The following DCLRE1A variants were observed in gnomAD, a reference collection of about 807,000 sequenced individuals.
The protein encoded by DCLRE1A is DNA cross-link repair 1A protein.
A neutral mutation model predicts 91.9 loss-of-function variants in DCLRE1A; 64 were observed. The observed-to-expected ratio is 0.70, with a 90% CI of 0.57 to 0.86. The LOEUF is 0.86. Ranked by LOEUF, DCLRE1A falls within the 40% of genes least tolerant of loss-of-function variation. DCLRE1A has a pLI of 0.00. For missense variants in DCLRE1A, 1,145 were observed against 1,213.3 expected (o/e 0.94, Z 0.84); for synonymous variants, 416 against 431.1 (o/e 0.96, Z 0.43).
intron 7 of DCLRE1A, among the ~76,000 whole-genome samples, chr10:113,838,820 G>A (rs776480762): frequency 1.3e-5 from 2 of 152,196 alleles, no homozygotes; most frequent in Non-Finnish European, 2.9e-5. Context: ...GCACATACGT[G>A]AACTTGGGAT....
At chr10:113,846,935 GTGAA>G (rs1845547792) in intron 3 of DCLRE1A, among the ~76,000 whole-genome samples, 1 of 152,178 alleles carries the variant, frequency 6.6e-6, no homozygotes, top group African/African-American at 2.4e-5. Flanking sequence ...TAGGCTTTCA[GTGAA>G]TGTTAACTAA....
In DCLRE1A at chr10:113,852,986, G is replaced by A. The variant is rs1845683562; in HGVS notation, c.197C>T (p.Pro66Leu). The change falls in exon 1 of 9, where the codon CCC (proline) becomes CTC (leucine). Residue 66 changes from proline (P) to leucine (L), a missense_variant. Transcript: ENST00000361384. ...AGTCTGACAACCTGCATTTCCAAGG[G>A]GCACTTCATGGTCCTTCACCTCTTT... Reference protein sequence around the residue: ...EAKEVKDHEVPLGNAGCQTSV... With the variant: ...EAKEVKDHEVLLGNAGCQTSV... The A allele has an allele frequency of 6.2e-7, 1 of 1,614,070 alleles. No individual in the cohort carries two copies. The highest frequency in any genetic ancestry group is 8.5e-7 in the Non-Finnish European group (1 of 1,180,032).
intron 7 of DCLRE1A, among the ~76,000 whole-genome samples, chr10:113,838,932 G>T (rs997507759): frequency 5.9e-5 from 9 of 152,006 alleles, no homozygotes; most frequent in Non-Finnish European, 1.0e-4. Flanking sequence ...TTCACAGAAA[G>T]TAATTATCTC....
chr10:113,852,899 T>G lies in DCLRE1A; in HGVS notation c.284A>C (p.Glu95Ala). 6.2e-7 allele frequency: 1 copy of G among 1,614,170 alleles called. No homozygotes were observed. Among genetic ancestry groups the G allele is most frequent in the African/African-American group, 1.3e-5 (1 of 75,044 alleles). ...TCTACAGAGTTTTCCTGGAGTAGTT[T>G]CCTTGTCTTGGGTCTGCTGAATACC... ...GDGIQQTQDK[E>A]TTPGKLCRTQ... The change falls in exon 1 of 9, where the codon GAA becomes GCA. Residue 95 changes from glutamate to alanine, a missense_variant. Transcript: ENST00000361384.
rs1274537943 is a variant in DCLRE1A, at chr10:113,849,284, T to TA, written c.1820dup (p.Leu607PhefsTer3). The TA allele has an allele frequency of 6.2e-7, 1 of 1,614,170 alleles. No individual in the cohort carries two copies. Among genetic ancestry groups the TA allele is most frequent in the South Asian group, 1.1e-5 (1 of 91,084 alleles). ...TACTTGCATCAAATTCTAAATCACT[T>TA]AAAGATTTTTCTGCTTTCCTCTTGC... is the stretch of plus-strand genomic sequence containing the variant. On this transcript the variant is annotated frameshift_variant, in exon 2 of 9. Coordinates refer to ENST00000361384, the MANE Select transcript of DCLRE1A (RefSeq NM_014881.5). LOFTEE classifies it high-confidence loss of function.
chr10:113,853,334 G>A lies in DCLRE1A; in HGVS notation c.-152C>T. 1.4e-6 allele frequency: 1 copy of A among 690,980 alleles called. No homozygotes were observed. The highest frequency in any genetic ancestry group is 2.3e-6 in the Non-Finnish European group (1 of 434,906). 42.8% of individuals were successfully genotyped at this position (690,980 alleles called of 1,614,324 possible). A position where few individuals can be genotyped will look rare whatever the true frequency, so the allele number is the denominator to read the frequency against. ...CAACTCAATGGGAATCTGCAGTGTTGGTAATGAACATATTGGCAAGCTACA... is the reference window on the plus strand; with the variant it reads ...CAACTCAATGGGAATCTGCAGTGTTAGTAATGAACATATTGGCAAGCTACA... On this transcript the variant is annotated 5_prime_UTR_variant, in exon 1 of 9. Coordinates refer to ENST00000361384, the MANE Select transcript of DCLRE1A (RefSeq NM_014881.5).
In DCLRE1A at chr10:113,839,317, C is replaced by T. The variant is rs573805797; in HGVS notation, c.2820+2089G>A. On this transcript the variant is annotated intron_variant, in intron 7 of 8. Transcript: ENST00000361384. ...TCCAGCCTGGTGGACAGAGCGAGAC[C>T]CTGTCTCAAAAAAAAAAAAAAAAAA... 2.1e-4 allele frequency among the ~76,000 whole-genome samples: 27 copies of T among 126,620 alleles called. 2 individuals carry two copies. The East Asian group carries it at 5.4e-3, about 26-fold the overall frequency. 83.1% of individuals were successfully genotyped at this position (126,620 alleles called of 152,430 possible).
chr10:113,844,929 T>A, intron 4 of DCLRE1A, among the ~76,000 whole-genome samples: 1 of 139,366 alleles, frequency 7.2e-6, no homozygotes. Context: ...AAAGCGAAAC[T>A]CTGTCTCAAA....
rs752905739 is a variant in DCLRE1A, at chr10:113,847,187, A to G, written c.2259+15T>C. The stretch of plus-strand genomic sequence containing the variant: ...AGCATTCTACAAAGTCAAAAGTTAG[A>G]ATACTAAAACTTACCTCACTACAAT... On this transcript the variant is annotated intron_variant, in intron 3 of 8. Coordinates refer to ENST00000361384, the MANE Select transcript of DCLRE1A (RefSeq NM_014881.5). 4 of 1,578,940 alleles carry G rather than the reference A, an allele frequency of 2.5e-6. No homozygotes were observed. The highest frequency in any genetic ancestry group is 2.7e-5 in the African/African-American group (2 of 74,512).
At chr10:113,848,061 C>G (rs896514851) in intron 2 of DCLRE1A, among the ~76,000 whole-genome samples, 2 of 152,122 alleles carry the variant, frequency 1.3e-5, no homozygotes, top group African/African-American at 4.8e-5. Context: ...CGCCCGTAAT[C>G]CCAGCACTTT....
chr10:113,852,353 A>G (rs906394517), intron 1 of DCLRE1A, among the ~76,000 whole-genome samples: 7 of 152,190 alleles, frequency 4.6e-5, no homozygotes, highest in African/African-American at 7.2e-5. Flanking sequence ...TAAATAACCA[A>G]TTGGACAAGT....
rs1377797983 is a variant in DCLRE1A at position 113,835,136 on chromosome 10, A to C, written c.*16T>G. 6.2e-7 allele frequency: 1 copy of C among 1,609,144 alleles called. No individual in the cohort carries two copies. The highest frequency in any genetic ancestry group is 8.5e-7 in the Non-Finnish European group (1 of 1,178,018). On this transcript the variant is annotated 3_prime_UTR_variant, in exon 9 of 9. Coordinates refer to ENST00000361384, the MANE Select transcript of DCLRE1A (RefSeq NM_014881.5). ...ATCCAAGGAACTTAACTACTACTGA[A>C]TCCTCGGAGGTATCATCAATATCCA...
intron 3 of DCLRE1A, among the ~76,000 whole-genome samples, 156 bp from the exon 4 acceptor site, chr10:113,845,959 G>A (rs947472376): frequency 6.6e-6 from 1 of 152,154 alleles, no homozygotes; most frequent in Non-Finnish European, 1.5e-5. Flanking sequence ...TATAATGGCT[G>A]TGCCACTACT....
In DCLRE1A at chr10:113,853,053, G is replaced by C; in HGVS notation, c.130C>G (p.Gln44Glu). ...TTTCTGTTTCTACTCCGTTTTGACT[G>C]GTATTTTCCATCTGTTGCTTTTTCA... Reference protein sequence around the residue: ...SVEKATDGKYQSKRSRNRKRA... With the variant: ...SVEKATDGKYESKRSRNRKRA... The change falls in exon 1 of 9, where the codon CAG (glutamine) becomes GAG (glutamate). Residue 44 changes from glutamine (Q) to glutamate (E), a missense_variant. By Grantham distance (29) the Gln-to-Glu change is conservative. Coordinates refer to ENST00000361384, the MANE Select transcript of DCLRE1A (RefSeq NM_014881.5). The C allele has an allele frequency of 6.2e-7, 1 of 1,613,458 alleles. No homozygotes were observed. The highest frequency in any genetic ancestry group is 8.5e-7 in the Non-Finnish European group (1 of 1,179,902).
chr10:113,841,617 A>G, intron 6 of DCLRE1A, 57 bp from the exon 7 acceptor site: 3 of 1,518,250 alleles, frequency 2.0e-6, no homozygotes, highest in Non-Finnish European at 2.6e-6. Flanking sequence ...AAAAAAAGTT[A>G]CAGCTTAAGC....
intron 4 of DCLRE1A, among the ~76,000 whole-genome samples, chr10:113,844,865 G>A (rs1845505354): frequency 1.3e-5 from 2 of 152,006 alleles, no homozygotes; most frequent in South Asian, 2.1e-4. Context: ...GAACCCGGGA[G>A]GCAGAGGCTG....
chr10:113,844,301 T>C lies in DCLRE1A; in HGVS notation c.2379-57A>G, dbSNP rs971363746. 1.9e-6 allele frequency: 3 copies of C among 1,596,006 alleles called. No individual in the cohort carries two copies. The African/African-American group carries it at 4.0e-5, about 21-fold the overall frequency. ...CACAGGCAAGCACCTAAAGGAACAGTATCTATTTCAATATCAACAAGTTAG... is the reference window on the plus strand; with the variant it reads ...CACAGGCAAGCACCTAAAGGAACAGCATCTATTTCAATATCAACAAGTTAG... On this transcript the variant is annotated intron_variant, in intron 4 of 8. Coordinates refer to ENST00000361384, the MANE Select transcript of DCLRE1A (RefSeq NM_014881.5).
rs370847347 is a variant in DCLRE1A at position 113,849,491 on chromosome 10, C to A, written c.1614G>T (p.Leu538Phe). Reference sequence around the variant, plus strand: ...TTGCATTATACTTAAGACCAGAAGGCAATATTTTCAAATACTTCGGAGCAG... The same window carrying A: ...TTGCATTATACTTAAGACCAGAAGGAAATATTTTCAAATACTTCGGAGCAG... The part of the protein sequence containing the change: ...STPAPKYLKI[L>F]PSGLKYNARH... The change falls in exon 2 of 9, where the codon TTG becomes TTT. Residue 538 changes from leucine to phenylalanine, a missense_variant. Physicochemically the swap from Leu to Phe is conservative, Grantham distance 22 (BLOSUM62 0). Transcript: ENST00000361384. 2 of 1,614,024 alleles carry A rather than the reference C, an allele frequency of 1.2e-6. No individual in the cohort carries two copies. The highest frequency in any genetic ancestry group is 1.6e-4 in the Middle Eastern group (1 of 6,062).
At chr10:113,845,849 T>C (rs761199801) in intron 3 of DCLRE1A, 46 bp from the exon 4 acceptor site, 1 of 1,433,458 alleles carries the variant, frequency 7.0e-7, no homozygotes, top group Non-Finnish European at 9.8e-7. Flanking sequence ...AAACACTAAA[T>C]ATTTTATTTC....
Sources: gnomAD v4.1 joint callset for allele counts (sites outside exome capture counted in the v4.1 genomes callset) on GRCh38, gnomAD v4.1.1 for gene constraint, MANE v1.5 for transcripts, NCBI Gene and HGNC (gene_info 2026-07-23, HGNC 2026-07-21) for gene names.